The following POLN variants were observed in gnomAD, a reference collection of about 807,000 sequenced individuals.
The protein encoded by POLN is DNA polymerase N.
POLN carries 108 observed loss-of-function variants against 113.5 expected under a neutral mutation model. That is an observed-to-expected ratio of 0.95 (90% CI 0.81 to 1.12). The LOEUF (loss-of-function observed/expected upper bound fraction) is 1.12, where lower values mean the gene tolerates loss of function less well. Ranked by LOEUF, POLN falls within the 50% of genes most tolerant of loss-of-function variation. The pLI, the probability that POLN is intolerant of heterozygous loss-of-function variation, is 0.00. For synonymous variants in POLN, 386 were observed against 391.5 expected, an observed-to-expected ratio of 0.99 and a Z score of 0.17; for missense variants, 1,097 against 1,077.1, an observed-to-expected ratio of 1.02 and a Z score of -0.26.
At chr4:2,151,788 C>A (rs777031900) in intron 16 of POLN, among the ~76,000 whole-genome samples, 58 of 152,300 alleles carry the variant, frequency 3.8e-4, no homozygotes, top group Admixed American at 2.6e-3. Flanking sequence ...TGGCAAACAG[C>A]AAGTCAGTGG....
chr4:2,101,038 A>G (rs893198814), intron 19 of POLN, among the ~76,000 whole-genome samples: 1 of 152,218 alleles, frequency 6.6e-6, no homozygotes, highest in Admixed American at 6.5e-5. Flanking sequence ...ACGTGGCCCC[A>G]TGCATTGACC....
chr4:2,164,089 T>TTCTAAAAATCC (rs1202710626), intron 13 of POLN, among the ~76,000 whole-genome samples: 2 of 152,156 alleles, frequency 1.3e-5, no homozygotes, highest in African/African-American at 4.8e-5. Flanking sequence ...GTCCTTTCTG[T>TTCTAAAAATCC]TCTAAAAATC....
intron 19 of POLN, among the ~76,000 whole-genome samples, chr4:2,096,873 A>G (rs956759614): frequency 2.0e-5 from 3 of 152,166 alleles, no homozygotes; most frequent in Non-Finnish European, 4.4e-5. Flanking sequence ...CACTGAGCAT[A>G]GAGACCAGCC....
At chr4:2,226,338 T>A (rs1734392498) in intron 3 of POLN, among the ~76,000 whole-genome samples, 1 of 152,198 alleles carries the variant, frequency 6.6e-6, no homozygotes, top group African/African-American at 2.4e-5. Flanking sequence ...AAAACAAGGA[T>A]GGATTCAACG....
At position 2,140,751 on chromosome 4, in the gene POLN, G is replaced by GA. The variant is rs552067545; in HGVS notation, c.1732-9462dup. On this transcript the variant is annotated intron_variant, in intron 16 of 25. Coordinates refer to ENST00000511885, the MANE Select transcript of POLN (RefSeq NM_181808.4). ...TGACAGAGTGAGATTCTGTCTCGGG[G>GA]AAAAAAAAAAATTGCCACTTGTGGA... The GA allele has an allele frequency of 7.8e-4, 116 of 148,110 alleles. 1 individual carries two copies. Among genetic ancestry groups the GA allele is most frequent in the Admixed American group, 3.6e-3 (54 of 14,850 alleles). The allele number at this position is 148,110 out of a possible 1,614,324, so 9.2% of individuals were successfully genotyped here.
intron 5 of POLN, among the ~76,000 whole-genome samples, chr4:2,199,027 T>C (rs1253971454): frequency 6.6e-6 from 1 of 152,108 alleles, no homozygotes; most frequent in Non-Finnish European, 1.5e-5. Context: ...TGAATGTCTG[T>C]GTAGAAAATC....
chr4:2,170,572 G>T (rs952727346), intron 13 of POLN, 107 bp downstream of exon 13: 3 of 930,674 alleles, frequency 3.2e-6, no homozygotes, highest in African/African-American at 3.3e-5. Flanking sequence ...ACTGCTGCCA[G>T]CATGAGGGGA....
At chr4:2,198,440 T>C (rs1733632105) in intron 6 of POLN, 84 bp downstream of exon 6, 2 of 1,277,156 alleles carry the variant, frequency 1.6e-6, no homozygotes, top group Non-Finnish European at 2.1e-6. Flanking sequence ...GTTTAAACTA[T>C]TAAAACTGGA....
chr4:2,228,763 C>T lies in POLN; in HGVS notation c.133+336G>A, dbSNP rs574987740. On this transcript the variant is annotated intron_variant, in intron 3 of 25. Transcript: ENST00000511885. ...TTGTCAAAAACATATCTCTTGTTCA[C>T]CACACAAAATAGCAAATACTATGTA... is the stretch of plus-strand genomic sequence containing the variant. 3.8e-5 allele frequency: 8 copies of T among 212,528 alleles called. No individual in the cohort carries two copies. In the South Asian group the frequency reaches 7.3e-4, roughly 19 times the overall value. 13.2% of individuals were successfully genotyped at this position (212,528 alleles called of 1,614,324 possible). A position where few individuals can be genotyped will look rare whatever the true frequency, so the allele number is the denominator to read the frequency against.
At chr4:2,147,106 G>C (rs182349964) in intron 16 of POLN, among the ~76,000 whole-genome samples, 1 of 152,240 alleles carries the variant, frequency 6.6e-6, no homozygotes, top group East Asian at 1.9e-4. Flanking sequence ...CAAGAAAAAT[G>C]AGAACTCAAG....
intron 3 of POLN, among the ~76,000 whole-genome samples, chr4:2,224,558 G>A (rs1010958258): frequency 1.3e-5 from 2 of 152,176 alleles, no homozygotes; most frequent in African/African-American, 4.8e-5. Context: ...CTAGGTTTGT[G>A]TAAGTTGACT....
At chr4:2,081,090 A>G (rs1560969524) in intron 22 of POLN, 54 bp from the exon 23 acceptor site, 1 of 1,612,084 alleles carries the variant, frequency 6.2e-7, no homozygotes, top group Admixed American at 1.7e-5. Context: ...TTCATGGTGC[A>G]CTCAGCATTC....
At chr4:2,107,630 G>A (rs563384781) in intron 19 of POLN, among the ~76,000 whole-genome samples, 1 of 152,194 alleles carries the variant, frequency 6.6e-6, no homozygotes, top group East Asian at 1.9e-4. Context: ...TTGTGGAAAC[G>A]CGAAGAGAGA....
chr4:2,171,945 A>C (rs1191757197), intron 11 of POLN, among the ~76,000 whole-genome samples: 1 of 152,220 alleles, frequency 6.6e-6, no homozygotes, highest in East Asian at 1.9e-4. Flanking sequence ...ATCCAACATC[A>C]CATAGAACAA....
At chr4:2,101,411 A>C (rs1367461353) in intron 19 of POLN, among the ~76,000 whole-genome samples, 1 of 152,246 alleles carries the variant, frequency 6.6e-6, no homozygotes, top group African/African-American at 2.4e-5. Flanking sequence ...AAAACTCCAC[A>C]ATCTAGGAAG....
chr4:2,110,205 C>A (rs1008375254), intron 19 of POLN, among the ~76,000 whole-genome samples: 8 of 152,100 alleles, frequency 5.3e-5, no homozygotes, highest in African/African-American at 1.9e-4. Flanking sequence ...AACAAAGACA[C>A]AACATACCAG....
chr4:2,072,160 C>G lies in POLN; in HGVS notation c.2657G>C (p.Ser886Thr). The G allele has an allele frequency of 6.2e-7, 1 of 1,612,376 alleles. No homozygotes were observed. The highest frequency in any genetic ancestry group is 8.5e-7 in the Non-Finnish European group (1 of 1,179,480). ...NSLAAPGSPA[S>T]TQPPPLHFSP... ...AAAATGCAGGGGTGGGGGCTGGGTG[C>G]TGGCAGGGGACCCAGGGGCAGCCAG... The change falls in exon 26 of 26, where the codon AGC (serine) becomes ACC (threonine). Residue 886 changes from serine to threonine, a missense_variant. Physicochemically the swap from Ser to Thr is moderately conservative, Grantham distance 58. Coordinates refer to ENST00000511885, the MANE Select transcript of POLN (RefSeq NM_181808.4).
chr4:2,220,889 C>A (rs113248226), intron 3 of POLN, among the ~76,000 whole-genome samples: 1 of 152,130 alleles, frequency 6.6e-6, no homozygotes, highest in Non-Finnish European at 1.5e-5. Context: ...AAATGACATA[C>A]GTATGCATGT....
rs768518186 is a variant in POLN at position 2,128,182 on chromosome 4, T to C, written c.1913A>G (p.Asp638Gly). The C allele has an allele frequency of 6.2e-7, 1 of 1,612,782 alleles. No homozygotes were observed. The highest frequency in any genetic ancestry group is 1.7e-5 in the Admixed American group (1 of 60,002). ...CTGGAATAACTTCAGAAGTTCCGGA[T>C]CTCCAGATAAATGTGTAAGAATGCG... ...ELRILTHLSG[D>G]PELLKLFQES... is the part of the protein sequence containing the mutation. The change falls in exon 19 of 26, where the codon GAT (aspartate) becomes GGT (glycine). Residue 638 changes from aspartate (D) to glycine (G), a missense_variant. By Grantham distance (94) the Asp-to-Gly change is moderately conservative. Coordinates refer to ENST00000511885, the MANE Select transcript of POLN (RefSeq NM_181808.4).
Sources: gnomAD v4.1 joint callset for allele counts (sites outside exome capture counted in the v4.1 genomes callset) on GRCh38, gnomAD v4.1.1 for gene constraint, MANE v1.5 for transcripts, NCBI Gene and HGNC (gene_info 2026-07-23, HGNC 2026-07-21) for gene names.